The following SPTA1 variants were observed in gnomAD, a reference collection of about 807,000 sequenced individuals.
SPTA1 encodes the protein spectrin alpha chain, erythrocytic 1.
In SPTA1, 177 loss-of-function variants were observed where a neutral mutation model predicts 324.7. That is an observed-to-expected ratio of 0.55 (90% CI 0.48 to 0.62). The LOEUF (loss-of-function observed/expected upper bound fraction) is 0.62, where lower values mean the gene tolerates loss of function less well. Ranked by LOEUF, SPTA1 falls within the 20% of genes least tolerant of loss-of-function variation. The pLI, the probability that SPTA1 is intolerant of heterozygous loss-of-function variation, is 0.00. For synonymous variants in SPTA1, 1,195 were observed against 1,041.3 expected (o/e 1.15, Z -2.84); for missense variants, 3,162 against 2,883.6 (o/e 1.10, Z -2.21).
rs1209401816 is a variant in SPTA1, at chr1:158,686,561, G to GAGAC, written c.-45_-44insGTCT. 1 of 1,407,364 alleles carries GAGAC rather than the reference G, an allele frequency of 7.1e-7. No homozygotes were observed. The allele number at this position is 1,407,364 out of a possible 1,614,324, so 87.2% of individuals were successfully genotyped here. On this transcript the variant is annotated 5_prime_UTR_variant, in exon 1 of 52. The change creates a premature stop within an existing upstream ORF in the 5' untranslated region. Transcript: ENST00000643759. ...ACCTGGCAAGATAAAATGTGTCAGA[G>GAGAC]AGAGAGAGAGAGAGAAATAATTCAA...
chr1:158,659,027 C>T (rs1653021088), intron 18 of SPTA1, among the ~76,000 whole-genome samples: 1 of 151,746 alleles, frequency 6.6e-6, no homozygotes, highest in Non-Finnish European at 1.5e-5. Flanking sequence ...AAAAATAATA[C>T]AAATGAAAAT....
intron 20 of SPTA1, among the ~76,000 whole-genome samples, chr1:158,655,670 CT>C (rs961218200): frequency 6.6e-6 from 1 of 152,178 alleles, no homozygotes; most frequent in Non-Finnish European, 1.5e-5. Context: ...GATTAACAAC[CT>C]CTCATTAGAA....
In SPTA1 at chr1:158,654,710, T is replaced by C; in HGVS notation, c.2937A>G (p.Glu979=). ...AGTCATATAAAGCCATGACCCTTTG[T>C]TCTCCAGCAACTCCCTCCACTGGTG... ...QAAPVEGVAG[E]QRVMALYDFQ... The change falls in exon 21 of 52, where the codon GAA becomes GAG. Residue 979 remains glutamate (E), a synonymous_variant. Transcript: ENST00000643759. The C allele has an allele frequency of 6.2e-7, 1 of 1,613,946 alleles. No individual in the cohort carries two copies. The highest frequency in any genetic ancestry group is 8.5e-7 in the Non-Finnish European group (1 of 1,179,980).
chr1:158,615,741 C>T (rs1175203498), intron 47 of SPTA1, among the ~76,000 whole-genome samples: 2 of 152,064 alleles, frequency 1.3e-5, no homozygotes, highest in Non-Finnish European at 2.9e-5. Context: ...CATCTGTCAT[C>T]TATCAAGAGA....
At position 158,657,583 on chromosome 1, in the gene SPTA1, T is replaced by C; in HGVS notation, c.2699A>G (p.Gln900Arg). 1 of 1,613,528 alleles carries C rather than the reference T, an allele frequency of 6.2e-7. No individual in the cohort carries two copies. Among genetic ancestry groups the C allele is most frequent in the Non-Finnish European group, 8.5e-7 (1 of 1,179,644 alleles). The change falls in exon 19 of 52, where the codon CAG (glutamine) becomes CGG (arginine). Residue 900 changes from glutamine (Q) to arginine (R), a missense_variant. By Grantham distance (43) the Gln-to-Arg change is conservative (BLOSUM62 1). Coordinates refer to ENST00000643759, the MANE Select transcript of SPTA1 (RefSeq NM_003126.4). ...RRQNDLEANV[Q>R]FQQYLADLHE... ...CAGGTCAGCCAGGTACTGCTGGAACTGGACATTGGCTTCAAGATCATTTTG... is the reference window on the plus strand; with the variant it reads ...CAGGTCAGCCAGGTACTGCTGGAACCGGACATTGGCTTCAAGATCATTTTG...
chr1:158,666,286 T>C, intron 16 of SPTA1, 30 bp downstream of exon 16: 2 of 1,612,394 alleles, frequency 1.2e-6, no homozygotes, highest in Non-Finnish European at 1.7e-6. Flanking sequence ...CACCCATTGC[T>C]TATGGCTGGC....
intron 42 of SPTA1, among the ~76,000 whole-genome samples, chr1:158,625,549 A>T (rs1432885404): frequency 2.0e-5 from 3 of 152,086 alleles, no homozygotes; most frequent in Non-Finnish European, 4.4e-5. Flanking sequence ...TTTAAAATAC[A>T]GTGGAATTAA....
Position 158,676,406 on chromosome 1 carries a change from C to A in SPTA1, c.958-111G>T, listed in dbSNP as rs569593707. On this transcript the variant is annotated intron_variant, in intron 7 of 51. Coordinates refer to ENST00000643759, the MANE Select transcript of SPTA1 (RefSeq NM_003126.4). ...ATATGAATAATAATAATTTAGAAAT[C>A]GACATATGAATAGATTTCTATTAAT... 2.2e-5 allele frequency: 26 copies of A among 1,166,166 alleles called. No individual in the cohort carries two copies. The African/African-American group carries it at 3.6e-4, about 16-fold the overall frequency. 72.2% of individuals were successfully genotyped at this position (1,166,166 alleles called of 1,614,324 possible). A position where few individuals can be genotyped will look rare whatever the true frequency, so the allele number is the denominator to read the frequency against.
intron 17 of SPTA1, 73 bp from the exon 18 acceptor site, chr1:158,661,482 A>T (rs1162703135): frequency 5.0e-6 from 8 of 1,599,872 alleles, no homozygotes; most frequent in Non-Finnish European, 6.8e-6. Context: ...CTTTTTTAGA[A>T]CTCTTGGACC....
At chr1:158,618,555 A>G (rs150318757) in intron 45 of SPTA1, among the ~76,000 whole-genome samples, 22 of 152,326 alleles carry the variant, frequency 1.4e-4, no homozygotes, top group Admixed American at 1.3e-3. Flanking sequence ...AATATATTAC[A>G]TCTTCTAAGT....
Position 158,643,100 on chromosome 1 carries a change from A to G in SPTA1, c.4443-124T>C, listed in dbSNP as rs955290557. ...CTTCTCACATAGTCTTATTATTTTC[A>G]TTATAAAATGCAGTGCTAAAGCCAG... is the stretch of plus-strand genomic sequence containing the variant. On this transcript the variant is annotated intron_variant, in intron 31 of 51. Transcript: ENST00000643759. 2.6e-5 allele frequency: 36 copies of G among 1,408,808 alleles called. 1 individual carries two copies. The South Asian group carries it at 4.4e-4, about 17-fold the overall frequency. The allele number at this position is 1,408,808 out of a possible 1,614,324, so 87.3% of individuals were successfully genotyped here.
chr1:158,615,474 GGAGAT>G, intron 47 of SPTA1, 71 bp from the exon 48 acceptor site: 3 of 1,447,988 alleles, frequency 2.1e-6, no homozygotes, highest in Non-Finnish European at 2.9e-6. Flanking sequence ...AGGTGGAAGA[GGAGAT>G]AACAGGCTGA....
intron 46 of SPTA1, 148 bp from the exon 47 acceptor site, chr1:158,617,736 A>G (rs1649646655): frequency 2.5e-6 from 2 of 799,644 alleles, no homozygotes; most frequent in Non-Finnish European, 4.2e-6. Context: ...AATTTTCACA[A>G]CCTTGCCAGA....
Position 158,642,423 on chromosome 1 carries a change from TTCA to T in SPTA1, c.4722_4724del (p.Asn1574_Glu1575delinsLys), listed in dbSNP as rs1557947591. The T allele has an allele frequency of 6.2e-6, 10 of 1,613,470 alleles. No individual in the cohort carries two copies. Among genetic ancestry groups the T allele is most frequent in the Non-Finnish European group, 8.5e-6 (10 of 1,179,574 alleles). On this transcript the variant is annotated inframe_deletion, in exon 33 of 52. Transcript: ENST00000643759. ...TCCTGAGCTTTACCTTCATGGCCTCTTCATTGCCATCACAAGCGCTACACTCAA... is the reference window on the plus strand; with the variant it reads ...TCCTGAGCTTTACCTTCATGGCCTCTTTGCCATCACAAGCGCTACACTCAA...
At chr1:158,636,497 A>T in intron 37 of SPTA1, 144 bp downstream of exon 37, 1 of 961,310 alleles carries the variant, frequency 1.0e-6, no homozygotes, top group Non-Finnish European at 1.6e-6. Flanking sequence ...GGAAGAGAAA[A>T]GAATATTTGT....
intron 39 of SPTA1, among the ~76,000 whole-genome samples, chr1:158,631,905 A>G (rs1017775681): frequency 1.3e-5 from 2 of 152,192 alleles, no homozygotes; most frequent in African/African-American, 4.8e-5. Context: ...AACATTTAAA[A>G]TAAAACTACC....
chr1:158,648,792 G>A, intron 25 of SPTA1, 139 bp from the exon 26 acceptor site: 1 of 841,574 alleles, frequency 1.2e-6, no homozygotes, highest in Non-Finnish European at 1.8e-6. Flanking sequence ...TATCATCATT[G>A]TTTTTTATGT....
intron 44 of SPTA1, among the ~76,000 whole-genome samples, chr1:158,619,694 T>A (rs1169523404): frequency 6.6e-6 from 1 of 152,220 alleles, no homozygotes; most frequent in Non-Finnish European, 1.5e-5. Context: ...ATAGTTACTA[T>A]CTAAAAATGG....
chr1:158,639,534 G>T (rs1394068591), intron 35 of SPTA1, 48 bp downstream of exon 35: 2 of 1,593,734 alleles, frequency 1.3e-6, no homozygotes, highest in South Asian at 2.2e-5. Context: ...AGAAGAGCCA[G>T]AAATATTTCT....
Sources: allele counts gnomAD v4.1 joint callset (sites outside exome capture counted in the v4.1 genomes callset), GRCh38; gene constraint gnomAD v4.1.1; transcripts MANE v1.5; gene names NCBI Gene and HGNC (gene_info 2026-07-23, HGNC 2026-07-21).